The following RNGTT variants were observed in gnomAD, a reference collection of about 807,000 sequenced individuals.
The protein encoded by RNGTT is mRNA-capping enzyme.
A neutral mutation model predicts 79.3 loss-of-function variants in RNGTT; 33 were observed. That is an observed-to-expected ratio of 0.42 (90% CI 0.32 to 0.56). The LOEUF (loss-of-function observed/expected upper bound fraction) is 0.56, where lower values mean the gene tolerates loss of function less well. RNGTT is among the 20% of genes least tolerant of loss of function. The probability of loss-of-function intolerance (pLI) is 0.17; values close to 1 mark genes in which losing one functional copy is unlikely to be tolerated. For missense variants in RNGTT, 497 were observed against 739.1 expected, an observed-to-expected ratio of 0.67 and a Z score of 3.80; for synonymous variants, 222 against 235.9, an observed-to-expected ratio of 0.94 and a Z score of 0.54.
chr6:88,642,744 A>G (rs1262458495), intron 14 of RNGTT, among the ~76,000 whole-genome samples: 1 of 152,194 alleles, frequency 6.6e-6, no homozygotes, highest in East Asian at 1.9e-4. Flanking sequence ...AATAAAAGCA[A>G]TATTTACTTA....
intron 13 of RNGTT, among the ~76,000 whole-genome samples, chr6:88,698,245 TGA>T (rs1183324821): frequency 5.9e-5 from 6 of 102,050 alleles, no homozygotes; most frequent in Non-Finnish European, 9.9e-5. Context: ...AATATATATA[TGA>T]AATATATATA....
At chr6:88,649,113 G>C (rs1241173849) in intron 14 of RNGTT, among the ~76,000 whole-genome samples, 1 of 152,114 alleles carries the variant, frequency 6.6e-6, no homozygotes, top group South Asian at 2.1e-4. Context: ...TAAAGTCACA[G>C]TTTCCAAGAA....
intron 13 of RNGTT, among the ~76,000 whole-genome samples, chr6:88,748,294 C>G (rs750063553): frequency 3.3e-5 from 5 of 152,062 alleles, no homozygotes; most frequent in Admixed American, 2.0e-4. Context: ...ATACAGGGCC[C>G]GATCTCTTCT....
chr6:88,624,383 A>G (rs1772548709), intron 14 of RNGTT, among the ~76,000 whole-genome samples: 1 of 151,972 alleles, frequency 6.6e-6, no homozygotes, highest in Non-Finnish European at 1.5e-5. Context: ...GCAGAGAGAC[A>G]CATGGATCAG....
chr6:88,815,903 T>A (rs1461355180), intron 11 of RNGTT, among the ~76,000 whole-genome samples: 1 of 152,182 alleles, frequency 6.6e-6, no homozygotes, highest in Non-Finnish European at 1.5e-5. Flanking sequence ...AAAATGGAAG[T>A]GAGACTTTCA....
chr6:88,671,082 CAG>C (rs1359378436), intron 14 of RNGTT, among the ~76,000 whole-genome samples: 4 of 152,064 alleles, frequency 2.6e-5, no homozygotes, highest in African/African-American at 7.2e-5. Context: ...CTATTCATTA[CAG>C]TAATGGAAGT....
intron 12 of RNGTT, among the ~76,000 whole-genome samples, chr6:88,777,200 CT>C (rs890957307): frequency 3.3e-5 from 5 of 152,114 alleles, no homozygotes; most frequent in African/African-American, 1.2e-4. Context: ...GTCCACTGGT[CT>C]ATGTGTATGT....
chr6:88,817,388 T>C (rs1041641539), intron 11 of RNGTT, among the ~76,000 whole-genome samples: 2 of 148,130 alleles, frequency 1.4e-5, no homozygotes, highest in African/African-American at 5.0e-5. Context: ...ACACCTGTAA[T>C]CCAAACGCTT....
chr6:88,646,987 GT>G (rs1446375915), intron 14 of RNGTT, among the ~76,000 whole-genome samples: 1 of 152,054 alleles, frequency 6.6e-6, no homozygotes, highest in African/African-American at 2.4e-5. Context: ...AAACCTGCAC[GT>G]TGTGCACATG....
At chr6:88,750,583 T>C (rs986501742) in intron 13 of RNGTT, among the ~76,000 whole-genome samples, 2 of 152,166 alleles carry the variant, frequency 1.3e-5, no homozygotes, top group Non-Finnish European at 2.9e-5. Flanking sequence ...TTACTACTGT[T>C]CACTACCTCT....
At chr6:88,756,309 C>T (rs1778013988) in intron 13 of RNGTT, among the ~76,000 whole-genome samples, 1 of 151,960 alleles carries the variant, frequency 6.6e-6, no homozygotes, top group African/African-American at 2.4e-5. Flanking sequence ...CCCATCTCTA[C>T]TAAAAATACA....
chr6:88,853,546 T>C (rs1310899743), intron 9 of RNGTT, 83 bp downstream of exon 9: 1 of 1,007,618 alleles, frequency 9.9e-7, no homozygotes, highest in Non-Finnish European at 1.5e-6. Flanking sequence ...CGAAATTTCT[T>C]AACCAACAGA....
rs115636671 is a variant in RNGTT at position 88,634,629 on chromosome 6, G to A, written c.1507-20234C>T. Among the ~76,000 whole-genome samples the A allele has an allele frequency of 4.3e-3, 648 of 152,204 alleles. 5 individuals are homozygous for A. The highest frequency in any genetic ancestry group is 0.015 in the African/African-American group (627 of 41,552). On this transcript the variant is annotated intron_variant, in intron 14 of 15. Coordinates refer to ENST00000369485, the MANE Select transcript of RNGTT (RefSeq NM_003800.5). ...TCATCATTTTATTAATCATCCAATAGATGACTTAACGAATAGCCTACTGAT... is the reference window on the plus strand; with the variant it reads ...TCATCATTTTATTAATCATCCAATAAATGACTTAACGAATAGCCTACTGAT...
intron 13 of RNGTT, among the ~76,000 whole-genome samples, chr6:88,741,812 T>C (rs1056478606): frequency 7.9e-5 from 12 of 152,174 alleles, no homozygotes; most frequent in South Asian, 4.1e-4. Flanking sequence ...TTTTCATGGC[T>C]CTGAACTTTT....
At chr6:88,770,261 A>G (rs1778605906) in intron 12 of RNGTT, among the ~76,000 whole-genome samples, 1 of 152,196 alleles carries the variant, frequency 6.6e-6, no homozygotes, top group Non-Finnish European at 1.5e-5. Context: ...AACCATGACC[A>G]AAATCATGAT....
At position 88,797,034 on chromosome 6, in the gene RNGTT, C is replaced by G. The variant is rs1001354403; in HGVS notation, c.1338+4530G>C. 2.0e-4 allele frequency among the ~76,000 whole-genome samples: 31 copies of G among 152,198 alleles called. 2 individuals carry two copies. The Middle Eastern group carries it at 0.017, about 83-fold the overall frequency. ...TTAATATTGCAAACACATTAATTTTCTCCAAATTAATCTAAATTCAAAGGC... is the reference window on the plus strand; with the variant it reads ...TTAATATTGCAAACACATTAATTTTGTCCAAATTAATCTAAATTCAAAGGC... On this transcript the variant is annotated intron_variant, in intron 12 of 15. Coordinates refer to ENST00000369485, the MANE Select transcript of RNGTT (RefSeq NM_003800.5).
intron 13 of RNGTT, among the ~76,000 whole-genome samples, chr6:88,713,344 G>A (rs9342148): frequency 0.12 from 17,947 of 152,044 alleles, 1,175 homozygotes; most frequent in Middle Eastern, 0.23. Context: ...TGAAAAGTAG[G>A]TATCTGTTGT....
At chr6:88,684,698 T>TATG (rs36112710) in intron 13 of RNGTT, among the ~76,000 whole-genome samples, 40,142 of 151,926 alleles carry the variant, frequency 0.26, 9,241 homozygotes, top group African/African-American at 0.63. Context: ...AACCATTCTG[T>TATG]ATACTATAAT....
Position 88,844,391 on chromosome 6 carries a change from T to C in RNGTT, c.1235A>G (p.Asn412Ser). 3.1e-6 allele frequency: 5 copies of C among 1,613,668 alleles called. No homozygotes were observed. The highest frequency in any genetic ancestry group is 4.2e-6 in the Non-Finnish European group (5 of 1,179,888). The change falls in exon 11 of 16, where the codon AAT (asparagine) becomes AGT (serine). Residue 412 changes from asparagine (N) to serine (S), a missense_variant. Transcript: ENST00000369485. ...AGTACAGATGTCAAAAAACGGCTTA[T>C]TTCTGACGCTAAATGGTTCCTGTGT... ...DKTQEPFSVR[N>S]KPFFDICTSR...
Sources: gnomAD v4.1 joint callset for allele counts (sites outside exome capture counted in the v4.1 genomes callset) on GRCh38, gnomAD v4.1.1 for gene constraint, MANE v1.5 for transcripts, NCBI Gene and HGNC (gene_info 2026-07-23, HGNC 2026-07-21) for gene names.